ZNF248: variants seen among roughly 807,000 people sequenced by gnomAD.
ZNF248 encodes KRAB protein domain.
In ZNF248, 20 loss-of-function variants were observed where a neutral mutation model predicts 44.3. The ratio of observed to expected loss-of-function variants is 0.45; its 90% confidence interval spans 0.32 to 0.66. The LOEUF (loss-of-function observed/expected upper bound fraction) is 0.66, where lower values mean the gene tolerates loss of function less well. Ranked by LOEUF, ZNF248 falls within the 30% of genes least tolerant of loss-of-function variation. The probability of loss-of-function intolerance (pLI) is 0.04; values close to 1 mark genes in which losing one functional copy is unlikely to be tolerated. For missense variants in ZNF248, 654 were observed against 677.0 expected, an observed-to-expected ratio of 0.97 and a Z score of 0.38; for synonymous variants, 224 against 229.0, an observed-to-expected ratio of 0.98 and a Z score of 0.20.
At chr10:37,818,801 A>G in intron 6 of ZNF248, 1 of 838,462 alleles carries the variant, frequency 1.2e-6, no homozygotes, top group Non-Finnish European at 2.0e-6. Flanking sequence ...GTTACTACTC[A>G]TTTTGGTGGG....
At position 37,832,679 on chromosome 10, in the gene ZNF248, C is replaced by T; in HGVS notation, c.676G>A (p.Glu226Lys). Reference sequence around the variant, plus strand: ...CTCTTATTTGTAAAAAATGCTGCCTCATCATGGAAGCCTTGTCCATTTTTA... The same window carrying T: ...CTCTTATTTGTAAAAAATGCTGCCTTATCATGGAAGCCTTGTCCATTTTTA... ...YSKNGQGFHDEAAFFTNKRSQ... is the reference protein window; with the variant it reads ...YSKNGQGFHDKAAFFTNKRSQ... Residue 226 changes from glutamate (E) to lysine (K), a missense_variant, in exon 6 of 6, where the codon GAG (glutamate) becomes AAG (lysine). Coordinates refer to ENST00000395867, the MANE Select transcript of ZNF248 (RefSeq NM_021045.3). 1.2e-6 allele frequency: 2 copies of T among 1,613,434 alleles called. No homozygotes were observed. Among genetic ancestry groups the T allele is most frequent in the Non-Finnish European group, 1.7e-6 (2 of 1,179,888 alleles).
chr10:37,807,423 T>C (rs1294778989), intron 6 of ZNF248, among the ~76,000 whole-genome samples: 4 of 152,212 alleles, frequency 2.6e-5, no homozygotes, highest in Admixed American at 1.3e-4. Flanking sequence ...TTGGATTCCA[T>C]AGAAGTTTTT....
chr10:37,834,329 G>A (rs1320228445), intron 5 of ZNF248, among the ~76,000 whole-genome samples: 1 of 152,062 alleles, frequency 6.6e-6, no homozygotes, highest in Admixed American at 6.6e-5. Context: ...AACTTGGCAG[G>A]TGTTACTATA....
chr10:37,801,087 A>G (rs1453611207), intron 6 of ZNF248, among the ~76,000 whole-genome samples: 1 of 151,436 alleles, frequency 6.6e-6, no homozygotes, highest in Non-Finnish European at 1.5e-5. Context: ...AAAAAATATC[A>G]TTATATTTGC....
At chr10:37,853,548 T>G (rs1799159462) in intron 3 of ZNF248, among the ~76,000 whole-genome samples, 1 of 152,018 alleles carries the variant, frequency 6.6e-6, no homozygotes, top group Non-Finnish European at 1.5e-5. Flanking sequence ...CGGCTAATTT[T>G]TTTGTACTTT....
intron 6 of ZNF248, among the ~76,000 whole-genome samples, chr10:37,782,564 A>G (rs2047434454): frequency 6.6e-6 from 1 of 152,122 alleles, no homozygotes; most frequent in Non-Finnish European, 1.5e-5. Context: ...TTATTTGGAA[A>G]TAGGGTATTT....
chr10:37,848,580 C>A (rs1312756347), intron 3 of ZNF248, among the ~76,000 whole-genome samples: 1 of 122,476 alleles, frequency 8.2e-6, no homozygotes, highest in East Asian at 2.5e-4. Context: ...CAGACAGACT[C>A]CGTCTCAAAA....
intron 6 of ZNF248, among the ~76,000 whole-genome samples, chr10:37,813,652 A>G (rs1184199880): frequency 6.6e-6 from 1 of 152,144 alleles, no homozygotes; most frequent in Non-Finnish European, 1.5e-5. Context: ...TAATACATAT[A>G]CATAATACAT....
rs745578395 is a variant in ZNF248, at chr10:37,832,219, G to T, written c.1136C>A (p.Thr379Asn). 1 of 1,614,058 alleles carries T rather than the reference G, an allele frequency of 6.2e-7. No homozygotes were observed. Among genetic ancestry groups the T allele is most frequent in the South Asian group, 1.1e-5 (1 of 91,080 alleles). ...QLRRAHTGEK[T>N]FECGECGKTF... is the part of the protein sequence containing the mutation. The stretch of plus-strand genomic sequence containing the variant: ...TTTCCCACATTCACCACATTCAAAG[G>T]TTTTTTCTCCTGTGTGAGCTCTCCG... Residue 379 changes from threonine to asparagine, a missense_variant, in exon 6 of 6, where the codon ACC becomes AAC. Physicochemically the swap from Thr to Asn is moderately conservative, Grantham distance 65. Coordinates refer to ENST00000395867, the MANE Select transcript of ZNF248 (RefSeq NM_021045.3).
At chr10:37,802,776 A>G (rs2049985438) in intron 6 of ZNF248, 1 of 152,164 alleles carries the variant, frequency 6.6e-6, no homozygotes, top group African/African-American at 2.4e-5. Flanking sequence ...TTTTAATTTT[A>G]AAAACTTGAT....
chr10:37,824,233 A>C (rs2053982026), downstream of ZNF248, among the ~76,000 whole-genome samples: 1 of 152,190 alleles, frequency 6.6e-6, no homozygotes, highest in African/African-American at 2.4e-5. Context: ...ACTGGTAGGA[A>C]TTCTTACTCA....
At chr10:37,766,328 C>A in the ZNF248 span, among the ~76,000 whole-genome samples, 3 of 152,198 alleles carry the variant, frequency 2.0e-5, no homozygotes, top group African/African-American at 4.8e-5. Flanking sequence ...GGTCCTTGAC[C>A]CCCAAGCAAT....
chr10:37,771,124 A>C, the ZNF248 span, among the ~76,000 whole-genome samples: 2 of 152,212 alleles, frequency 1.3e-5, no homozygotes. Context: ...AGGAAACAAC[A>C]GGTGCTGGAG....
At chr10:37,769,426 G>T in the ZNF248 span, among the ~76,000 whole-genome samples, 1 of 152,134 alleles carries the variant, frequency 6.6e-6, no homozygotes. Flanking sequence ...TATCCACCAT[G>T]ATCAAGTGGG....
chr10:37,834,627 A>G (rs1048456565), intron 5 of ZNF248, among the ~76,000 whole-genome samples: 4 of 152,232 alleles, frequency 2.6e-5, no homozygotes, highest in Non-Finnish European at 5.9e-5. Context: ...AGCCATATGA[A>G]CAGGTCTAAG....
intron 6 of ZNF248, among the ~76,000 whole-genome samples, chr10:37,807,638 T>C (rs777461872): frequency 6.6e-6 from 1 of 152,228 alleles, no homozygotes; most frequent in Non-Finnish European, 1.5e-5. Context: ...ACAAGTCTTT[T>C]GCCTCCTTGA....
chr10:37,822,053 C>T (rs867579792), intron 6 of ZNF248, among the ~76,000 whole-genome samples: 2 of 152,204 alleles, frequency 1.3e-5, no homozygotes, highest in African/African-American at 2.4e-5. Flanking sequence ...CTTCCCCTCC[C>T]GGTGTCGTCA....
chr10:37,819,600 G>T (rs2053125886), intron 6 of ZNF248: 7 of 846,700 alleles, frequency 8.3e-6, no homozygotes, highest in South Asian at 6.6e-5. Context: ...ATCCTTTTTA[G>T]TTCCCCGATA....
At chr10:37,778,349 T>C (rs2046852698) in intron 6 of ZNF248, among the ~76,000 whole-genome samples, 1 of 152,242 alleles carries the variant, frequency 6.6e-6, no homozygotes, top group Non-Finnish European at 1.5e-5. Context: ...GAGAAATGTC[T>C]GTTCATGTCC....
Sources: allele counts gnomAD v4.1 joint callset (sites outside exome capture counted in the v4.1 genomes callset), GRCh38; gene constraint gnomAD v4.1.1; transcripts MANE v1.5; gene names NCBI Gene and HGNC (gene_info 2026-07-23, HGNC 2026-07-21).